The following DOCK1 variants were observed in gnomAD, a reference collection of about 807,000 sequenced individuals.
DOCK1 encodes the protein dedicator of cytokinesis 1.
DOCK1 carries 138 observed loss-of-function variants against 262.7 expected under a neutral mutation model. The observed-to-expected ratio is 0.53, with a 90% CI of 0.46 to 0.61. The LOEUF (loss-of-function observed/expected upper bound fraction) is 0.61, where lower values mean the gene tolerates loss of function less well. DOCK1 is among the 20% of genes least tolerant of loss of function. The probability of loss-of-function intolerance (pLI) is 0.00; values close to 1 mark genes in which losing one functional copy is unlikely to be tolerated. For synonymous variants in DOCK1, 866 were observed against 867.4 expected (o/e 1.00, Z 0.03); for missense variants, 1,908 against 2,370.7 (o/e 0.80, Z 4.05).
At chr10:127,228,848 G>A (rs1051726928) in intron 27 of DOCK1, among the ~76,000 whole-genome samples, 1 of 152,168 alleles carries the variant, frequency 6.6e-6, no homozygotes, top group African/African-American at 2.4e-5. Context: ...ATGTTTTGAT[G>A]TATGCTTACA....
At chr10:127,415,445 G>A (rs539467462) in intron 44 of DOCK1, among the ~76,000 whole-genome samples, 1 of 152,236 alleles carries the variant, frequency 6.6e-6, no homozygotes, top group East Asian at 1.9e-4. Flanking sequence ...GTGTAATCAC[G>A]ACCAACTCTA....
intron 27 of DOCK1, among the ~76,000 whole-genome samples, chr10:127,214,967 G>T (rs529556519): frequency 1.3e-5 from 2 of 152,222 alleles, no homozygotes; most frequent in South Asian, 4.2e-4. Context: ...CTGGTCACCC[G>T]CTCCTTTCCG....
chr10:127,069,624 A>G (rs2046090808), intron 23 of DOCK1, among the ~76,000 whole-genome samples: 3 of 152,176 alleles, frequency 2.0e-5, no homozygotes, highest in Admixed American at 1.3e-4. Context: ...GGGGACACAG[A>G]TGCGGTGGTT....
At position 126,998,224 on chromosome 10, in the gene DOCK1, G is replaced by A; in HGVS notation, c.742G>A (p.Asp248Asn). Residue 248 changes from aspartate to asparagine, a missense_variant, in exon 8 of 52, where the codon GAC becomes AAC. Around this residue, in one of 9 missense-constraint regions of DOCK1, gnomAD observed 102 missense variants for 154.9 expected, o/e 0.66. Coordinates refer to ENST00000623213, the MANE Select transcript of DOCK1 (RefSeq NM_001290223.2). ...TGCTGAAGTCCTCATGTCTCTATAT[G>A]ACCCTGTGGAGTCCAAATTCATCAG... The part of the protein sequence containing the change: ...EDAEVLMSLY[D>N]PVESKFISEN... The A allele has an allele frequency of 6.2e-7, 1 of 1,613,934 alleles. No homozygotes were observed. Among genetic ancestry groups the A allele is most frequent in the Non-Finnish European group, 8.5e-7 (1 of 1,179,864 alleles).
At chr10:127,171,071 T>C (rs1167526) in intron 27 of DOCK1, among the ~76,000 whole-genome samples, 23 of 152,218 alleles carry the variant, frequency 1.5e-4, no homozygotes, top group Non-Finnish European at 3.1e-4. Context: ...GGGAGCTTTG[T>C]AGATACTGTA....
chr10:127,022,634 G>A (rs1266315961), intron 13 of DOCK1, among the ~76,000 whole-genome samples: 2 of 152,166 alleles, frequency 1.3e-5, no homozygotes, highest in African/African-American at 4.8e-5. Flanking sequence ...GACCTCAAGT[G>A]ATCTACCCAC....
chr10:127,181,109 AT>A (rs1251178338), intron 27 of DOCK1, among the ~76,000 whole-genome samples: 3 of 152,224 alleles, frequency 2.0e-5, no homozygotes, highest in African/African-American at 4.8e-5. Context: ...GTCAAAGGTC[AT>A]CTTTTATTGT....
intron 14 of DOCK1, among the ~76,000 whole-genome samples, chr10:127,024,007 G>A (rs988821253): frequency 2.0e-5 from 3 of 152,264 alleles, no homozygotes; most frequent in African/African-American, 4.8e-5. Flanking sequence ...ATCTGCTTCC[G>A]TGGCCACAGC....
At chr10:127,344,687 G>C (rs1021576722) in intron 31 of DOCK1, 2 of 152,064 alleles carry the variant, frequency 1.3e-5, no homozygotes. Context: ...ATCATCTCTG[G>C]AGAGTAAGAA....
intron 10 of DOCK1, among the ~76,000 whole-genome samples, chr10:127,003,887 G>A (rs1230690772): frequency 6.6e-6 from 1 of 152,092 alleles, no homozygotes; most frequent in Middle Eastern, 3.2e-3. Context: ...CTGGGAGGCG[G>A]AGGTTGCAGT....
chr10:127,124,972 CT>C (rs2049854501), intron 25 of DOCK1, among the ~76,000 whole-genome samples: 2 of 151,996 alleles, frequency 1.3e-5, no homozygotes, highest in Admixed American at 1.3e-4. Context: ...AAAAAATTAG[CT>C]GGGCGTGGTG....
At chr10:127,283,545 A>G (rs907190790) in intron 29 of DOCK1, among the ~76,000 whole-genome samples, 5 of 152,364 alleles carry the variant, frequency 3.3e-5, no homozygotes, top group Admixed American at 1.3e-4. Flanking sequence ...AAAGAGCACA[A>G]TGTAATCCTA....
At chr10:127,285,172 C>G (rs1035693024) in intron 29 of DOCK1, among the ~76,000 whole-genome samples, 7 of 152,186 alleles carry the variant, frequency 4.6e-5, no homozygotes, top group Non-Finnish European at 8.8e-5. Flanking sequence ...CAGCCCTTCT[C>G]TGTTTTACTA....
chr10:127,365,231 T>C (rs917794471), intron 33 of DOCK1, among the ~76,000 whole-genome samples: 2 of 152,260 alleles, frequency 1.3e-5, no homozygotes, highest in Admixed American at 1.3e-4. Flanking sequence ...GTGAACACAT[T>C]CATGCATATA....
At chr10:127,037,283 G>C (rs2043700456) in intron 18 of DOCK1, among the ~76,000 whole-genome samples, 1 of 152,046 alleles carries the variant, frequency 6.6e-6, no homozygotes, top group African/African-American at 2.4e-5. Flanking sequence ...ACTTTAATTT[G>C]TGTTAGTTAT....
At chr10:127,022,733 G>T (rs889215216) in intron 13 of DOCK1, among the ~76,000 whole-genome samples, 4 of 152,132 alleles carry the variant, frequency 2.6e-5, no homozygotes, top group Non-Finnish European at 5.9e-5. Flanking sequence ...TCAACTCTTG[G>T]AGTCATGCTT....
chr10:127,308,276 G>A (rs952453514), intron 29 of DOCK1, among the ~76,000 whole-genome samples: 3 of 152,168 alleles, frequency 2.0e-5, no homozygotes, highest in African/African-American at 7.2e-5. Flanking sequence ...TTCAGTGTGG[G>A]GCCTGGCCTC....
intron 29 of DOCK1, among the ~76,000 whole-genome samples, chr10:127,324,217 A>G (rs1354529003): frequency 6.6e-6 from 1 of 152,228 alleles, no homozygotes; most frequent in East Asian, 1.9e-4. Context: ...AGATGGGCTG[A>G]GCAAAGATCA....
chr10:126,941,537 A>C (rs1455683002), intron 1 of DOCK1, among the ~76,000 whole-genome samples: 1 of 152,178 alleles, frequency 6.6e-6, no homozygotes, highest in East Asian at 1.9e-4. Context: ...CGGGCGGATC[A>C]CGAGGTCAGG....
Sources: gnomAD v4.1 joint callset for allele counts (sites outside exome capture counted in the v4.1 genomes callset) on GRCh38, gnomAD v4.1.1 for gene constraint, gnomAD v4.1.1 regional missense constraint, MANE v1.5 for transcripts, NCBI Gene and HGNC (gene_info 2026-07-23, HGNC 2026-07-21) for gene names.